IQCJ: variants seen among roughly 807,000 people sequenced by gnomAD.
IQCJ encodes the protein IQ domain-containing protein J.
A neutral mutation model predicts 11.0 loss-of-function variants in IQCJ; 9 were observed. The observed-to-expected ratio is 0.82, with a 90% CI of 0.49 to 1.43. The LOEUF (loss-of-function observed/expected upper bound fraction) is 1.43, where lower values mean the gene tolerates loss of function less well. IQCJ is among the 40% of genes most tolerant of loss of function. IQCJ has a pLI of 0.00. For synonymous variants in IQCJ, 55 were observed against 51.3 expected (o/e 1.07, Z -0.31); for missense variants, 146 against 133.2 (o/e 1.10, Z -0.47).
At chr3:159,197,918 T>G (rs73164395) in intron 1 of IQCJ, among the ~76,000 whole-genome samples, 25,009 of 152,152 alleles carry the variant, frequency 0.16, 2,660 homozygotes, top group South Asian at 0.36. Context: ...CAAAAATTTT[T>G]TTTTACTATT....
chr3:159,094,096 A>G lies in IQCJ; in HGVS notation c.9+24655A>G, dbSNP rs537571105. On this transcript the variant is annotated intron_variant, in intron 1 of 3. Transcript: ENST00000397832. ...TTGACTAGAGCTTTTTCTCCTTTAC[A>G]TGTTTTCTCTTGGCAATGTCCAAAA... Among the ~76,000 whole-genome samples the G allele has an allele frequency of 4.0e-5, 6 of 151,856 alleles. No individual in the cohort carries two copies. In the South Asian group the frequency reaches 8.3e-4, roughly 21 times the overall value.
In IQCJ at chr3:159,219,033, T is replaced by C. The variant is rs574545892; in HGVS notation, c.10-26810T>C. 1.2e-4 allele frequency among the ~76,000 whole-genome samples: 18 copies of C among 152,266 alleles called. No individual in the cohort carries two copies. In the East Asian group the frequency reaches 3.3e-3, roughly 28 times the overall value. On this transcript the variant is annotated intron_variant, in intron 1 of 3. Transcript: ENST00000397832. ...CTCTGCCTTCCTCTTAGAAGGACTC[T>C]TGTGATCACATTAAGCCCCTCTGGA...
intron 1 of IQCJ, among the ~76,000 whole-genome samples, chr3:159,117,674 C>T (rs938630153): frequency 1.3e-4 from 20 of 152,182 alleles, no homozygotes; most frequent in African/African-American, 2.2e-4. Flanking sequence ...AGCCACTCAA[C>T]GGTTCATTCA....
intron 1 of IQCJ, among the ~76,000 whole-genome samples, chr3:159,122,401 G>A (rs952718040): frequency 2.0e-5 from 3 of 152,284 alleles, no homozygotes; most frequent in Admixed American, 2.0e-4. Context: ...CGTTGACAAG[G>A]GAAGACGTAT....
intron 1 of IQCJ, among the ~76,000 whole-genome samples, chr3:159,203,885 C>G (rs957136955): frequency 3.9e-5 from 6 of 152,074 alleles, no homozygotes; most frequent in Non-Finnish European, 7.4e-5. Flanking sequence ...TTTTCTGTGG[C>G]TATGAGAAGG....
chr3:159,222,297 A>T (rs1489544016), intron 1 of IQCJ, among the ~76,000 whole-genome samples: 1 of 152,160 alleles, frequency 6.6e-6, no homozygotes, highest in African/African-American at 2.4e-5. Flanking sequence ...ACACATACGC[A>T]TGAAATATTA....
chr3:159,153,923 T>C (rs192050069), intron 1 of IQCJ, among the ~76,000 whole-genome samples: 1 of 152,320 alleles, frequency 6.6e-6, no homozygotes, highest in Non-Finnish European at 1.5e-5. Context: ...GGTTCCATGG[T>C]ATAACTCTTG....
chr3:159,207,355 A>T (rs1028834464), intron 1 of IQCJ, among the ~76,000 whole-genome samples: 1 of 152,242 alleles, frequency 6.6e-6, no homozygotes, highest in South Asian at 2.1e-4. Flanking sequence ...GAAAAACTGT[A>T]GAAAAAGGCT....
intron 1 of IQCJ, among the ~76,000 whole-genome samples, chr3:159,171,620 T>C (rs1467201266): frequency 1.3e-5 from 2 of 152,210 alleles, no homozygotes; most frequent in African/African-American, 4.8e-5. Context: ...AAAAAAATAC[T>C]GATACCTTTG....
At chr3:159,213,224 C>T (rs546874397) in intron 1 of IQCJ, among the ~76,000 whole-genome samples, 2 of 152,292 alleles carry the variant, frequency 1.3e-5, no homozygotes, top group South Asian at 2.1e-4. Flanking sequence ...CACTAGTTGA[C>T]AGTCAATAAA....
chr3:159,245,961 A>G, intron 2 of IQCJ, 54 bp downstream of exon 2: 1 of 1,343,196 alleles, frequency 7.4e-7, no homozygotes, highest in South Asian at 1.3e-5. Context: ...GCTTGAGTAA[A>G]AAGAAAATCT....
At chr3:159,136,442 A>T (rs1048783551) in intron 1 of IQCJ, among the ~76,000 whole-genome samples, 3 of 152,164 alleles carry the variant, frequency 2.0e-5, no homozygotes, top group African/African-American at 4.8e-5. Context: ...TGCTACTTTT[A>T]TAGGCAAAAA....
At chr3:159,095,175 G>T (rs754681630) in intron 1 of IQCJ, among the ~76,000 whole-genome samples, 2 of 151,778 alleles carry the variant, frequency 1.3e-5, no homozygotes, top group African/African-American at 4.9e-5. Flanking sequence ...TACCTTAGAA[G>T]TTGGCAAACC....
chr3:159,229,998 G>C (rs1726150546), intron 1 of IQCJ, among the ~76,000 whole-genome samples: 2 of 148,934 alleles, frequency 1.3e-5, no homozygotes, highest in Non-Finnish European at 3.0e-5. Flanking sequence ...CAGTTAGTAA[G>C]CATACTAACC....
chr3:159,101,320 A>AC (rs1007829457), intron 1 of IQCJ, among the ~76,000 whole-genome samples: 5 of 151,348 alleles, frequency 3.3e-5, no homozygotes, highest in African/African-American at 4.9e-5. Context: ...TGCAGAAATC[A>AC]CCGTCTTCTG....
intron 1 of IQCJ, among the ~76,000 whole-genome samples, chr3:159,151,084 C>T (rs553293272): frequency 6.6e-6 from 1 of 152,328 alleles, no homozygotes; most frequent in South Asian, 2.1e-4. Flanking sequence ...GTGTCACCTT[C>T]CACCTTCCTT....
intron 3 of IQCJ, among the ~76,000 whole-genome samples, chr3:159,254,810 T>C (rs962383150): frequency 2.0e-5 from 3 of 152,158 alleles, no homozygotes; most frequent in African/African-American, 7.2e-5. Flanking sequence ...TATGAATAGA[T>C]GGCGGACACT....
chr3:159,242,349 C>A (rs746445547), intron 1 of IQCJ, among the ~76,000 whole-genome samples: 21 of 152,168 alleles, frequency 1.4e-4, no homozygotes, highest in Non-Finnish European at 2.1e-4. Flanking sequence ...GTTGATCTTG[C>A]ATGACAAGCA....
intron 1 of IQCJ, among the ~76,000 whole-genome samples, chr3:159,225,489 G>A (rs745594655): frequency 6.6e-6 from 1 of 152,016 alleles, no homozygotes; most frequent in Non-Finnish European, 1.5e-5. Context: ...ATATGTATGT[G>A]ATGTAAATAT....
Sources: allele counts gnomAD v4.1 joint callset (sites outside exome capture counted in the v4.1 genomes callset), GRCh38; gene constraint gnomAD v4.1.1; transcripts MANE v1.5; gene names NCBI Gene and HGNC (gene_info 2026-07-23, HGNC 2026-07-21).